Variants in FAT3 observed in about 807,000 individuals in gnomAD.
The protein encoded by FAT3 is protocadherin Fat 3.
A neutral mutation model predicts 310.2 loss-of-function variants in FAT3; 95 were observed. The ratio of observed to expected loss-of-function variants is 0.31; its 90% CI spans 0.26 to 0.36. FAT3 has a LOEUF of 0.36. FAT3 is among the 10% of genes least tolerant of loss of function. The pLI is 1.00. For missense variants in FAT3, 5,408 were observed against 5,715.6 expected (o/e 0.95, Z 1.74); for synonymous variants, 2,314 against 2,192.9 (o/e 1.06, Z -1.54).
chr11:92,622,210 G>T (rs909369117), intron 3 of FAT3, among the ~76,000 whole-genome samples: 2 of 151,836 alleles, frequency 1.3e-5, no homozygotes, highest in African/African-American at 4.8e-5. Context: ...CTTGAATCTA[G>T]GAAATGAAGG....
At chr11:92,419,516 A>G (rs1035067142) in intron 2 of FAT3, among the ~76,000 whole-genome samples, 1 of 152,182 alleles carries the variant, frequency 6.6e-6, no homozygotes, top group Admixed American at 6.5e-5. Flanking sequence ...GATTCCCATG[A>G]AGACTAATTG....
intron 18 of FAT3, among the ~76,000 whole-genome samples, chr11:92,841,553 T>G (rs192091449): frequency 1.3e-5 from 2 of 152,306 alleles, no homozygotes; most frequent in East Asian, 1.9e-4. Flanking sequence ...TCCAAGCACA[T>G]CAATGAACTC....
At chr11:92,580,696 G>C (rs1465878093) in intron 3 of FAT3, among the ~76,000 whole-genome samples, 1 of 152,070 alleles carries the variant, frequency 6.6e-6, no homozygotes, top group Admixed American at 6.6e-5. Flanking sequence ...TCCTGCCTCA[G>C]TTTTATCCAT....
intron 2 of FAT3, among the ~76,000 whole-genome samples, chr11:92,398,314 A>G (rs1455870620): frequency 2.0e-5 from 3 of 152,036 alleles, no homozygotes; most frequent in South Asian, 2.1e-4. Flanking sequence ...CAGCCTGGCC[A>G]ACATGGCAAA....
At chr11:92,693,912 G>T (rs538590038) in intron 3 of FAT3, among the ~76,000 whole-genome samples, 1 of 152,170 alleles carries the variant, frequency 6.6e-6, no homozygotes, top group Non-Finnish European at 1.5e-5. Context: ...CATGCCTGAG[G>T]CCTAAACTAA....
intron 2 of FAT3, among the ~76,000 whole-genome samples, chr11:92,471,949 A>ATATATATG (rs1313170062): frequency 6.3e-5 from 8 of 126,898 alleles, no homozygotes; most frequent in East Asian, 2.3e-4. Flanking sequence ...ATATATATAT[A>ATATATATG]TATATATTCT....
intron 2 of FAT3, among the ~76,000 whole-genome samples, chr11:92,446,027 A>G (rs746500743): frequency 2.0e-5 from 3 of 152,196 alleles, no homozygotes; most frequent in Non-Finnish European, 4.4e-5. Context: ...CCTATTTATG[A>G]ATATATTAAT....
At position 92,717,246 on chromosome 11, in the gene FAT3, C is replaced by T. The variant is rs1944719404; in HGVS notation, c.3669+19801C>T. 2.0e-5 allele frequency among the ~76,000 whole-genome samples: 3 copies of T among 152,146 alleles called. No individual in the cohort carries two copies. In the South Asian group the frequency reaches 6.2e-4, roughly 32 times the overall value. On this transcript the variant is annotated intron_variant, in intron 4 of 27. Coordinates refer to ENST00000525166, the MANE Select transcript of FAT3 (RefSeq NM_001367949.2). ...TTCAACATATTCAATAACTATTTTGCTCAATAGATGCAAATGCAGAAGGGC... is the reference window on the plus strand; with the variant it reads ...TTCAACATATTCAATAACTATTTTGTTCAATAGATGCAAATGCAGAAGGGC...
intron 2 of FAT3, among the ~76,000 whole-genome samples, chr11:92,442,107 A>ATTTTTTTTTTTTTTTTTTT (rs1565320189): frequency 2.0e-5 from 1 of 49,862 alleles, no homozygotes; most frequent in African/African-American, 1.5e-4. Context: ...ATATATATAT[A>ATTTTTTTTTTTTTTTTTTT]TATATTTTTT....
At chr11:92,449,744 A>G (rs1452598234) in intron 2 of FAT3, among the ~76,000 whole-genome samples, 1 of 152,176 alleles carries the variant, frequency 6.6e-6, no homozygotes, top group Non-Finnish European at 1.5e-5. Flanking sequence ...TTTTCTCAGA[A>G]TTGAAAAAAT....
Position 92,799,015 on chromosome 11 carries a change from T to C in FAT3, c.6002T>C (p.Val2001Ala), listed in dbSNP as rs1378100538. Reference sequence around the variant, plus strand: ...GAGAACAACACTAACATAACCAAAGTTGCTATTGTCAATGCAGTTGGAAAT... The same window carrying C: ...GAGAACAACACTAACATAACCAAAGCTGCTATTGTCAATGCAGTTGGAAAT... Reference protein sequence around the residue: ...ISENNTNITKVAIVNAVGNRL... With the variant: ...ISENNTNITKAAIVNAVGNRL... Residue 2001 changes from valine (V) to alanine (A), a missense_variant, in exon 10 of 28, where the codon GTT becomes GCT. Physicochemically the swap from Val to Ala is moderately conservative, Grantham distance 64. Transcript: ENST00000525166. 1 of 1,613,952 alleles carries C rather than the reference T, an allele frequency of 6.2e-7. No homozygotes were observed. The highest frequency in any genetic ancestry group is 1.7e-5 in the Admixed American group (1 of 60,022).
intron 1 of FAT3, among the ~76,000 whole-genome samples, chr11:92,300,509 G>C (rs1172127591): frequency 1.3e-5 from 2 of 152,108 alleles, no homozygotes; most frequent in East Asian, 1.9e-4. Flanking sequence ...TGTTTCCTCT[G>C]TCTGGAATAC....
At chr11:92,673,661 A>G (rs1230982927) in intron 3 of FAT3, among the ~76,000 whole-genome samples, 1 of 152,110 alleles carries the variant, frequency 6.6e-6, no homozygotes, top group African/African-American at 2.4e-5. Flanking sequence ...GTGCTATGCT[A>G]TGTTAGTTTT....
chr11:92,801,090 C>T lies in FAT3; in HGVS notation c.8077C>T (p.Pro2693Ser). 1.2e-6 allele frequency: 2 copies of T among 1,613,948 alleles called. No homozygotes were observed. The highest frequency in any genetic ancestry group is 1.7e-6 in the Non-Finnish European group (2 of 1,179,874). ...CATCCCAGTAAAGCACTCCCTCATT[C>T]CTGTCTATATCCACGTCTTGCCCCC... The part of the protein sequence containing the change: ...GGIPVKHSLI[P>S]VYIHVLPPET... Residue 2693 changes from proline (P) to serine (S), a missense_variant, in exon 10 of 28, where the codon CCT becomes TCT. Transcript: ENST00000525166.
chr11:92,670,528 C>G (rs1329914090), intron 3 of FAT3, among the ~76,000 whole-genome samples: 2 of 152,190 alleles, frequency 1.3e-5, no homozygotes, highest in Non-Finnish European at 2.9e-5. Context: ...ATGTGTCGAA[C>G]TGCCTTGTTT....
intron 3 of FAT3, among the ~76,000 whole-genome samples, chr11:92,602,737 A>G (rs1348306179): frequency 6.6e-6 from 1 of 152,168 alleles, no homozygotes; most frequent in Non-Finnish European, 1.5e-5. Context: ...AGCTACTGTA[A>G]TCCACTCCAG....
In FAT3 at chr11:92,720,458, G is replaced by A. The variant is rs140324071; in HGVS notation, c.3669+23013G>A. The stretch of plus-strand genomic sequence containing the variant: ...ACACATAAAGAGAGCTACATAGTTC[G>A]TTTCTATAAAATGAATCTGTTTTCC... On this transcript the variant is annotated intron_variant, in intron 4 of 27. Transcript: ENST00000525166. 5.1e-3 allele frequency among the ~76,000 whole-genome samples: 773 copies of A among 152,232 alleles called. 5 individuals carry two copies. Among genetic ancestry groups the A allele is most frequent in the African/African-American group, 0.017 (716 of 41,552 alleles).
At chr11:92,731,647 T>C in intron 4 of FAT3, among the ~76,000 whole-genome samples, 1 of 152,106 alleles carries the variant, frequency 6.6e-6, no homozygotes, top group Middle Eastern at 3.4e-3. Flanking sequence ...AATGATAGTG[T>C]CTTACTCTCT....
chr11:92,390,156 T>C (rs1224237993), intron 2 of FAT3, among the ~76,000 whole-genome samples: 1 of 152,146 alleles, frequency 6.6e-6, no homozygotes, highest in Non-Finnish European at 1.5e-5. Context: ...AAAGTTCTTG[T>C]AAAGTCAGGA....
Sources: allele counts gnomAD v4.1 joint callset (sites outside exome capture counted in the v4.1 genomes callset), GRCh38; gene constraint gnomAD v4.1.1; transcripts MANE v1.5; gene names NCBI Gene and HGNC (gene_info 2026-07-23, HGNC 2026-07-21).